The following DGKZ variants were observed in gnomAD, a reference collection of about 807,000 sequenced individuals.
The protein encoded by DGKZ is diacylglycerol kinase zeta, also known as DAG kinase zeta.
A neutral mutation model predicts 142.5 loss-of-function variants in DGKZ; 45 were observed. The ratio of observed to expected loss-of-function variants is 0.32; its 90% confidence interval spans 0.25 to 0.40. DGKZ has a LOEUF of 0.40. Ranked by LOEUF, DGKZ falls within the 10% of genes least tolerant of loss-of-function variation. The probability of loss-of-function intolerance (pLI) is 1.00; values close to 1 mark genes in which losing one functional copy is unlikely to be tolerated. For missense variants in DGKZ, 755 were observed against 1,306.5 expected (o/e 0.58, Z 6.51); for synonymous variants, 442 against 527.0 (o/e 0.84, Z 2.21).
rs2136484190 is a variant in DGKZ at position 46,372,060 on chromosome 11, C to T, written c.832-15C>T. The T allele has an allele frequency of 6.2e-7, 1 of 1,601,460 alleles. No homozygotes were observed. Among genetic ancestry groups the T allele is most frequent in the Non-Finnish European group, 8.5e-7 (1 of 1,173,784 alleles). On this transcript the variant is annotated splice_polypyrimidine_tract_variant and intron_variant, in intron 9 of 30. Coordinates refer to ENST00000527911, the Ensembl canonical transcript of DGKZ. The surrounding 1 kb of genome is among the most constrained non-coding windows in gnomAD (Gnocchi z 5.9). ...GGACGGGAAGGAGCTTACAGCCTCT[C>T]ACCTTGTCTCCCAGGAGGGCCGCTG... is the stretch of plus-strand genomic sequence containing the variant.
Position 46,340,930 on chromosome 11 carries a change from C to A in DGKZ, c.212+7443C>A, listed in dbSNP as rs1940246319. ...TTGGAAGGCCAGGGCGGGCCAATCA[C>A]TTGAGGCCAGGAGTATGAGACCAGC... On this transcript the variant is annotated intron_variant, in intron 1 of 30. Coordinates refer to the DGKZ transcript ENST00000343674. Among the ~76,000 whole-genome samples the A allele has an allele frequency of 2.0e-5, 3 of 152,246 alleles. No homozygotes were observed. In the South Asian group the frequency reaches 6.2e-4, roughly 31 times the overall value.
intron 27 of DGKZ, 95 bp downstream of exon 27, chr11:46,378,595 G>A (rs1432147408): frequency 3.9e-6 from 6 of 1,523,834 alleles, no homozygotes; most frequent in Admixed American, 1.7e-5. Context: ...ACCTGCTCAG[G>A]TGCTGTCATC....
At chr11:46,351,657 CAG>C (rs1941402865) in intron 1 of DGKZ, among the ~76,000 whole-genome samples, 1 of 152,198 alleles carries the variant, frequency 6.6e-6, no homozygotes, top group South Asian at 2.1e-4. Context: ...ATGCTGGGAG[CAG>C]CCCAGGTTGC....
Position 46,379,117 on chromosome 11 carries a change from C to T in DGKZ, c.2539+6C>T. The T allele has an allele frequency of 4.4e-6, 7 of 1,608,540 alleles. No homozygotes were observed. Among genetic ancestry groups the T allele is most frequent in the Non-Finnish European group, 5.9e-6 (7 of 1,179,034 alleles). On this transcript the variant is annotated splice_donor_region_variant and intron_variant, in intron 28 of 30. Transcript: ENST00000527911. Reference sequence around the variant, plus strand: ...CCGCTACCTGCTGGACCACGGTGAGCCGGGCAGTGGAGCCCAGGGCCTGGG... The same window carrying T: ...CCGCTACCTGCTGGACCACGGTGAGTCGGGCAGTGGAGCCCAGGGCCTGGG...
At chr11:46,374,087 A>C in intron 14 of DGKZ, 70 bp from the exon 15 acceptor site, 1 of 1,558,766 alleles carries the variant, frequency 6.4e-7, no homozygotes, top group Non-Finnish European at 8.8e-7. Context: ...TGGCTCGGCC[A>C]CACGAGGCCC....
At chr11:46,377,572 C>T in intron 25 of DGKZ, 1 of 314,080 alleles carries the variant, frequency 3.2e-6, no homozygotes. Flanking sequence ...GCCCTCGAAC[C>T]CCCATCTCCA....
chr11:46,367,992 T>G lies in DGKZ; in HGVS notation c.367-10T>G, dbSNP rs753083191. Reference sequence around the variant, plus strand: ...TGGTGCCTCAGGGGCCCTCTCTTCCTGTCCTGCAGCAGAAGTCAGTGTCTC... The same window carrying G: ...TGGTGCCTCAGGGGCCCTCTCTTCCGGTCCTGCAGCAGAAGTCAGTGTCTC... On this transcript the variant is annotated splice_polypyrimidine_tract_variant and intron_variant, in intron 3 of 30. Coordinates refer to ENST00000527911, the Ensembl canonical transcript of DGKZ. The surrounding 1 kb of genome is among the most constrained non-coding windows in gnomAD (Gnocchi z 4.1). The G allele has an allele frequency of 8.1e-6, 13 of 1,613,730 alleles. No individual in the cohort carries two copies.
At chr11:46,356,660 C>T (rs1484765266) in intron 1 of DGKZ, among the ~76,000 whole-genome samples, 1 of 152,134 alleles carries the variant, frequency 6.6e-6, no homozygotes, top group East Asian at 1.9e-4. Flanking sequence ...TTTTGTTTGC[C>T]AGAAGCATCC....
chr11:46,351,836 C>G (rs1330426787), intron 1 of DGKZ, among the ~76,000 whole-genome samples: 1 of 152,200 alleles, frequency 6.6e-6, no homozygotes, highest in Non-Finnish European at 1.5e-5. Context: ...GTAGAATTCT[C>G]ACAGTCTCCC....
upstream of DGKZ, among the ~76,000 whole-genome samples, chr11:46,346,554 G>C (rs61514976): frequency 6.6e-6 from 1 of 152,154 alleles, no homozygotes; most frequent in South Asian, 2.1e-4. Context: ...TTTCTGGATG[G>C]GAGTGTGTGC....
At chr11:46,364,881 T>C in intron 1 of DGKZ, 1 of 985,442 alleles carries the variant, frequency 1.0e-6, no homozygotes, top group Non-Finnish European at 1.2e-6. Flanking sequence ...GGCTGTGACC[T>C]TGACCTCTGT....
At chr11:46,360,957 A>T (rs1942577731) in intron 1 of DGKZ, among the ~76,000 whole-genome samples, 1 of 152,208 alleles carries the variant, frequency 6.6e-6, no homozygotes, top group Non-Finnish European at 1.5e-5. Context: ...TGGCAGAGCC[A>T]GAAGACCCAG....
At chr11:46,364,720 C>G (rs892801776) in intron 1 of DGKZ, 2 of 985,332 alleles carry the variant, frequency 2.0e-6, no homozygotes, top group African/African-American at 3.5e-5. Flanking sequence ...AGACGTGCGG[C>G]CTGGGCCTGA....
At chr11:46,366,319 G>A (rs1414739842) in intron 1 of DGKZ, 2 of 1,574,206 alleles carry the variant, frequency 1.3e-6, no homozygotes, top group Admixed American at 1.8e-5. Context: ...AGGGGCAGCA[G>A]CGGCCCAGCA....
chr11:46,358,023 T>G (rs1353269656), intron 1 of DGKZ, among the ~76,000 whole-genome samples: 3 of 152,204 alleles, frequency 2.0e-5, no homozygotes, highest in African/African-American at 7.2e-5. Flanking sequence ...GCAGATTCAC[T>G]CTGAATCAGT....
intron 1 of DGKZ, chr11:46,366,231 CTG>C: frequency 1.3e-6 from 2 of 1,548,278 alleles, no homozygotes; most frequent in Non-Finnish European, 1.7e-6. Flanking sequence ...CTCCCGGTCT[CTG>C]TGCCCAACAG....
At chr11:46,333,478 T>C in exon 1 of DGKZ, 2 of 1,540,092 alleles carry the variant, frequency 1.3e-6, no homozygotes, top group Non-Finnish European at 1.7e-6. Flanking sequence ...CGAAAGCAGG[T>C]GTCTTACAGG....
chr11:46,341,403 G>A lies in DGKZ; in HGVS notation c.212+7916G>A, dbSNP rs148869728. Among the ~76,000 whole-genome samples, 44 of 152,356 alleles carry A rather than the reference G, an allele frequency of 2.9e-4. No homozygotes were observed. The East Asian group carries it at 7.3e-3, about 25-fold the overall frequency. On this transcript the variant is annotated intron_variant, in intron 1 of 30. Transcript: ENST00000343674. ...TTGGGAACAAAAGTGAGCATCATAG[G>A]TAAGGGATCAGCAGGTGGGGTGGAA...
At chr11:46,338,426 G>C (rs966813938) in intron 1 of DGKZ, among the ~76,000 whole-genome samples, 6 of 142,390 alleles carry the variant, frequency 4.2e-5, no homozygotes, top group African/African-American at 1.5e-4. Context: ...AACCCGGTAG[G>C]CAAAGGTTGC....
Sources: allele counts gnomAD v4.1 joint callset (sites outside exome capture counted in the v4.1 genomes callset), GRCh38; gene constraint gnomAD v4.1.1; non-coding constraint Gnocchi (gnomAD v3.1); transcripts MANE v1.5; gene names NCBI Gene and HGNC (gene_info 2026-07-23, HGNC 2026-07-21).